The following NCBP2L variants were observed in gnomAD, a reference collection of about 807,000 sequenced individuals.
The protein encoded by NCBP2L is nuclear cap binding protein subunit 2 like.
For missense variants in NCBP2L, 95 were observed against 53.1 expected (o/e 1.79, Z -2.45); for synonymous variants, 39 against 19.2 (o/e 2.04, Z -2.70).
At chrX:107,782,162 C>T (rs1192443288) in intron 1 of NCBP2L, among the ~76,000 whole-genome samples, 5 of 54,516 alleles carry the variant, frequency 9.2e-5, no homozygotes, top group East Asian at 5.3e-4. Context: ...GTGTACATCA[C>T]GGCTATATAT....
intron 1 of NCBP2L, among the ~76,000 whole-genome samples, chrX:107,781,676 A>ATCTCTCTCTCTCTC (rs1252852252): frequency 4.5e-4 from 25 of 55,881 alleles, no homozygotes; most frequent in South Asian, 8.0e-4. Context: ...CTATCTATCT[A>ATCTCTCTCTCTCTC]TCTCTCTCTC....
At chrX:107,792,474 A>AT (rs1450481817) in intron 1 of NCBP2L, among the ~76,000 whole-genome samples, 2 of 111,814 alleles carry the variant, frequency 1.8e-5, no homozygotes, top group Non-Finnish European at 3.8e-5. Context: ...CAGGAAGATG[A>AT]TTTTTGGCCA....
intron 1 of NCBP2L, among the ~76,000 whole-genome samples, chrX:107,787,192 C>T (rs940254944): frequency 2.7e-5 from 3 of 111,846 alleles, no homozygotes; most frequent in Non-Finnish European, 5.6e-5. Context: ...TGCTGGCCCA[C>T]GGACAACACT....
At chrX:107,780,629 C>CA (rs2147804731) in intron 1 of NCBP2L, among the ~76,000 whole-genome samples, 1 of 85,498 alleles carries the variant, frequency 1.2e-5, no homozygotes, top group African/African-American at 4.7e-5. Flanking sequence ...GGGAAGTTCA[C>CA]TTTTTTTTTT....
chrX:107,783,630 C>T (rs1469260981), intron 1 of NCBP2L, among the ~76,000 whole-genome samples: 1 of 108,837 alleles, frequency 9.2e-6, no homozygotes, highest in Non-Finnish European at 1.9e-5. Flanking sequence ...GCCTCGGCCT[C>T]CCAAAGTGCT....
chrX:107,787,426 G>T (rs1326552759), intron 1 of NCBP2L, among the ~76,000 whole-genome samples: 4 of 111,762 alleles, frequency 3.6e-5, no homozygotes, highest in Non-Finnish European at 5.6e-5. Context: ...TAAGGGGTTC[G>T]AGTGCAGTTT....
At chrX:107,790,331 T>A (rs1300065775) in intron 1 of NCBP2L, among the ~76,000 whole-genome samples, 1 of 111,918 alleles carries the variant, frequency 8.9e-6, no homozygotes, top group Admixed American at 9.5e-5. Flanking sequence ...TCTTCCTGCC[T>A]CTTGGCCTGC....
intron 1 of NCBP2L, among the ~76,000 whole-genome samples, chrX:107,784,885 G>C (rs906119642): frequency 9.2e-6 from 1 of 108,636 alleles, no homozygotes; most frequent in African/African-American, 3.4e-5. Context: ...AGGCTGAGGT[G>C]GGAAGATTGC....
At position 107,794,360 on chromosome X, in the gene NCBP2L, C is replaced by T. The variant is rs766756290; in HGVS notation, c.140C>T (p.Ser47Phe). The change falls in exon 2 of 2, where the codon TCC becomes TTC. Residue 47 changes from serine (S) to phenylalanine (F), a missense_variant. By Grantham distance (155) the Ser-to-Phe change is radical. Transcript: ENST00000509000. ...ESSTLNMGNLSFYTTEEKIHE... is the reference protein window; with the variant it reads ...ESSTLNMGNLFFYTTEEKIHE... ...TCCACATTGAATATGGGGAATCTTT[C>T]CTTTTATACAACCGAAGAGAAAATA... 1.8e-6 allele frequency: 1 copy of T among 570,161 alleles called. No homozygotes were observed. The highest frequency in any genetic ancestry group is 3.2e-6 in the Non-Finnish European group (1 of 309,455). The allele number at this position is 570,161 out of a possible 1,213,427, so 47.0% of individuals were successfully genotyped here.
chrX:107,782,377 A>G (rs1160556161), intron 1 of NCBP2L, among the ~76,000 whole-genome samples: 3 of 63,850 alleles, frequency 4.7e-5, no homozygotes, highest in Non-Finnish European at 7.8e-5. Flanking sequence ...AAATATATAT[A>G]TATATATACC....
In NCBP2L at chrX:107,794,529, C is replaced by A. The variant is rs779562195; in HGVS notation, c.309C>A (p.Cys103Ter). 1.8e-6 allele frequency: 1 copy of A among 569,794 alleles called. No individual in the cohort carries two copies. Among genetic ancestry groups the A allele is most frequent in the Non-Finnish European group, 3.2e-6 (1 of 309,428 alleles). 47.0% of individuals were successfully genotyped at this position (569,794 alleles called of 1,213,427 possible). A position where few individuals can be genotyped will look rare whatever the true frequency, so the allele number is the denominator to read the frequency against. ...ENAMRFLTGT[C>*]LDEWIICTDW... ...CCATGCGGTTTCTAACTGGGACCTG[C>A]CTAGATGAATGGATTATCTGCACTG... The change falls in exon 2 of 2, where the codon TGC becomes TGA. Residue 103 changes from cysteine to a stop codon, truncating the protein, a stop_gained. Coordinates refer to ENST00000509000, the MANE Select transcript of NCBP2L (RefSeq NM_001348372.2). LOFTEE classifies it low-confidence loss of function (END_TRUNC).
intron 1 of NCBP2L, among the ~76,000 whole-genome samples, chrX:107,792,160 G>A (rs749833434): frequency 2.7e-5 from 3 of 111,822 alleles, no homozygotes; most frequent in Admixed American, 9.5e-5. Context: ...CCATGTGTTC[G>A]CTTCTTTGGC....
Position 107,794,377 on chromosome X carries a change from G to A in NCBP2L, c.157G>A (p.Glu53Lys). ...MGNLSFYTTE[E>K]KIHELFSRSD... ...GAATCTTTCCTTTTATACAACCGAAGAGAAAATACATGAACTCTTTAGTAG... is the reference window on the plus strand; with the variant it reads ...GAATCTTTCCTTTTATACAACCGAAAAGAAAATACATGAACTCTTTAGTAG... Residue 53 changes from glutamate to lysine, a missense_variant, in exon 2 of 2, where the codon GAG (glutamate) becomes AAG (lysine). Transcript: ENST00000509000. 1 of 570,104 alleles carries A rather than the reference G, an allele frequency of 1.8e-6. No individual in the cohort carries two copies. 47.0% of individuals were successfully genotyped at this position (570,104 alleles called of 1,213,427 possible).
Position 107,786,097 on chromosome X carries a change from G to A in NCBP2L, c.-72-8052G>A, listed in dbSNP as rs1476162924. Among the ~76,000 whole-genome samples the A allele has an allele frequency of 3.6e-5, 4 of 111,192 alleles. No individual in the cohort carries two copies. The South Asian group carries it at 1.1e-3, about 32-fold the overall frequency. On this transcript the variant is annotated intron_variant, in intron 1 of 1. Transcript: ENST00000509000. The stretch of plus-strand genomic sequence containing the variant: ...ACTGTGCACGCAGATTGATCCATTT[G>A]CCCTACTTTCCACTCCTTGTAGCAT...
At chrX:107,790,888 C>T (rs1267980320) in intron 1 of NCBP2L, among the ~76,000 whole-genome samples, 4 of 111,572 alleles carry the variant, frequency 3.6e-5, no homozygotes, top group Non-Finnish European at 7.5e-5. Flanking sequence ...GTTGTTTTCC[C>T]CTCCTCATCC....
chrX:107,794,527 T>G lies in NCBP2L; in HGVS notation c.307T>G (p.Cys103Gly). The change falls in exon 2 of 2, where the codon TGC becomes GGC. Residue 103 changes from cysteine (C) to glycine (G), a missense_variant. Transcript: ENST00000509000. ...TGCCATGCGGTTTCTAACTGGGACC[T>G]GCCTAGATGAATGGATTATCTGCAC... ...ENAMRFLTGT[C>G]LDEWIICTDW... 1 of 570,189 alleles carries G rather than the reference T, an allele frequency of 1.8e-6. No individual in the cohort carries two copies. Among genetic ancestry groups the G allele is most frequent in the Non-Finnish European group, 3.2e-6 (1 of 309,505 alleles). 47.0% of individuals were successfully genotyped at this position (570,189 alleles called of 1,213,427 possible).
rs192698772 is a variant in NCBP2L, at chrX:107,794,232, C to T, written c.12C>T (p.Asp4=). MSK[D]LKILCKDPAL... ...GCCCAACCAGCACCATGTCCAAAGA[C>T]CTGAAAATTCTATGTAAAGACCCTG... The change falls in exon 2 of 2, where the codon GAC becomes GAT. Residue 4 remains aspartate, a synonymous_variant. Coordinates refer to ENST00000509000, the MANE Select transcript of NCBP2L (RefSeq NM_001348372.2). 231 of 539,573 alleles carry T rather than the reference C, an allele frequency of 4.3e-4. 2 individuals carry two copies. The African/African-American group carries it at 4.9e-3, about 12-fold the overall frequency. The allele number at this position is 539,573 out of a possible 1,213,427, so 44.5% of individuals were successfully genotyped here. A position where few individuals can be genotyped will look rare whatever the true frequency, so the allele number is the denominator to read the frequency against.
In NCBP2L at chrX:107,781,678, C is replaced by CTATCTATCTA. The variant is rs1283631007; in HGVS notation, c.-73+3821_-73+3822insATCTATCTAT. On this transcript the variant is annotated intron_variant, in intron 1 of 1. Transcript: ENST00000509000. ...TCTATCTATCTATCTATCTATCTATCTCTCTCTCTCTCTCTATATATATAT... is the reference window on the plus strand; with the variant it reads ...TCTATCTATCTATCTATCTATCTATCTATCTATCTATCTCTCTCTCTCTCTATATATATAT... Among the ~76,000 whole-genome samples, 657 of 70,992 alleles carry CTATCTATCTA rather than the reference C, an allele frequency of 9.3e-3. 8 individuals are homozygous for CTATCTATCTA. The highest frequency in any genetic ancestry group is 0.015 in the African/African-American group (227 of 15,406). The allele number at this position is 70,992 out of a possible 115,157, so 61.6% of individuals were successfully genotyped here.
At chrX:107,787,804 A>C (rs1930405555) in intron 1 of NCBP2L, among the ~76,000 whole-genome samples, 1 of 111,923 alleles carries the variant, frequency 8.9e-6, no homozygotes, top group Non-Finnish European at 1.9e-5. Context: ...TACTGCCTTC[A>C]TCTGGAGCAG....
Sources: gnomAD v4.1 joint callset for allele counts (sites outside exome capture counted in the v4.1 genomes callset) on GRCh38, gnomAD v4.1.1 for gene constraint, MANE v1.5 for transcripts, NCBI Gene and HGNC (gene_info 2026-07-23, HGNC 2026-07-21) for gene names.